Variants in IKZF3 observed in about 807,000 individuals in gnomAD.
IKZF3 encodes the protein IKAROS family zinc finger 3.
In IKZF3, 10 loss-of-function variants were observed where a neutral mutation model predicts 49.0. The observed-to-expected ratio is 0.20, with a 90% confidence interval of 0.13 to 0.35. The LOEUF is 0.35. Among genes scored for constraint, IKZF3 ranks in the 10% least tolerant of loss-of-function variants. IKZF3 has a pLI of 1.00. For missense variants in IKZF3, 498 were observed against 664.8 expected (o/e 0.75, Z 2.76); for synonymous variants, 209 against 228.2 (o/e 0.92, Z 0.76).
At chr17:39,841,863 A>G (rs1425927835) in intron 1 of IKZF3, among the ~76,000 whole-genome samples, 1 of 151,926 alleles carries the variant, frequency 6.6e-6, no homozygotes, top group Non-Finnish European at 1.5e-5. Flanking sequence ...TGGGCAACAT[A>G]GTGAGACCCT....
At chr17:39,786,112 A>G (rs2060868664) in intron 6 of IKZF3, among the ~76,000 whole-genome samples, 1 of 152,200 alleles carries the variant, frequency 6.6e-6, no homozygotes, top group African/African-American at 2.4e-5. Context: ...GATGGTGATA[A>G]TGTTCTGAAA....
intron 4 of IKZF3, 52 bp from the exon 5 acceptor site, chr17:39,791,635 A>G (rs936590150): frequency 7.7e-6 from 12 of 1,561,764 alleles, no homozygotes; most frequent in Non-Finnish European, 1.1e-5. Flanking sequence ...GTGGAGAAAC[A>G]TATGCACAGA....
intron 3 of IKZF3, among the ~76,000 whole-genome samples, chr17:39,825,028 C>T (rs934167466): frequency 1.3e-5 from 2 of 152,166 alleles, no homozygotes; most frequent in African/African-American, 4.8e-5. Flanking sequence ...TCTGGCATTT[C>T]CCTGCTGGCA....
rs1323229807 is a variant in IKZF3 at position 39,764,839 on chromosome 17, T to C, written c.*951A>G. On this transcript the variant is annotated 3_prime_UTR_variant, in exon 8 of 8. Coordinates refer to ENST00000346872, the MANE Select transcript of IKZF3 (RefSeq NM_012481.5). ...GGAGGGGGAGGCTGAGCCATACTTT[T>C]TGGACTTTTTTTGTGGAAAATATCA... is the stretch of plus-strand genomic sequence containing the variant. 3 of 152,316 alleles carry C rather than the reference T, an allele frequency of 2.0e-5. No individual in the cohort carries two copies. The highest frequency in any genetic ancestry group is 7.2e-5 in the African/African-American group (3 of 41,440). 9.4% of individuals were successfully genotyped at this position (152,316 alleles called of 1,614,324 possible).
intron 6 of IKZF3, among the ~76,000 whole-genome samples, chr17:39,786,775 G>A (rs2060885596): frequency 6.6e-6 from 1 of 151,984 alleles, no homozygotes. Context: ...TTTTTTATAA[G>A]GGGGTAAACA....
chr17:39,803,536 A>G (rs7211998), intron 3 of IKZF3, among the ~76,000 whole-genome samples: 13,622 of 148,490 alleles, frequency 0.092, 1,267 homozygotes, highest in African/African-American at 0.24. Flanking sequence ...TTTTTGAGAC[A>G]GAGTTTCGCT....
chr17:39,793,713 T>C (rs1467969187), intron 3 of IKZF3, among the ~76,000 whole-genome samples: 1 of 152,196 alleles, frequency 6.6e-6, no homozygotes, highest in Non-Finnish European at 1.5e-5. Context: ...GATTGTGTAA[T>C]AGGACTGGAT....
intron 3 of IKZF3, among the ~76,000 whole-genome samples, chr17:39,828,715 T>C (rs2062023333): frequency 6.6e-6 from 1 of 152,014 alleles, no homozygotes; most frequent in Admixed American, 6.6e-5. Context: ...TGAATTGAAG[T>C]GGGCTGGGTA....
chr17:39,835,265 G>A, intron 1 of IKZF3: 1 of 551,738 alleles, frequency 1.8e-6, no homozygotes. Flanking sequence ...CAATGTCCAG[G>A]GCCAGCTTGA....
intron 1 of IKZF3, among the ~76,000 whole-genome samples, chr17:39,860,962 T>C (rs944361328): frequency 1.3e-5 from 2 of 152,250 alleles, no homozygotes; most frequent in African/African-American, 2.4e-5. Flanking sequence ...TTATACAGTT[T>C]AAGTGCTTAA....
intron 3 of IKZF3, among the ~76,000 whole-genome samples, chr17:39,798,994 TGC>T (rs2061247062): frequency 2.0e-5 from 1 of 48,924 alleles, no homozygotes; most frequent in Non-Finnish European, 3.9e-5. Context: ...TGTGTGTGTG[TGC>T]GTGTGTGTGT....
At chr17:39,793,768 A>G (rs1349308061) in intron 3 of IKZF3, among the ~76,000 whole-genome samples, 1 of 152,236 alleles carries the variant, frequency 6.6e-6, no homozygotes, top group East Asian at 1.9e-4. Context: ...ACCAAGTACT[A>G]TCTTAAGAAC....
intron 1 of IKZF3, among the ~76,000 whole-genome samples, chr17:39,863,605 A>T (rs1342796909): frequency 6.6e-6 from 1 of 152,284 alleles, no homozygotes; most frequent in East Asian, 1.9e-4. Flanking sequence ...CCTAATGTGA[A>T]CCTGATTTTT....
rs751497743 is a variant in IKZF3, at chr17:39,763,023, A to G, written c.*2767T>C. On this transcript the variant is annotated 3_prime_UTR_variant, in exon 8 of 8. Coordinates refer to ENST00000346872, the MANE Select transcript of IKZF3 (RefSeq NM_012481.5). ...TTCTCTTTCTCTTGTCCCTTGAAGAACCAACAGGATGTGCGATATTTCAAG... is the reference window on the plus strand; with the variant it reads ...TTCTCTTTCTCTTGTCCCTTGAAGAGCCAACAGGATGTGCGATATTTCAAG... 4 of 152,236 alleles carry G rather than the reference A, an allele frequency of 2.6e-5. No homozygotes were observed. Among genetic ancestry groups the G allele is most frequent in the Non-Finnish European group, 5.9e-5 (4 of 68,050 alleles). The allele number at this position is 152,236 out of a possible 1,614,324, so 9.4% of individuals were successfully genotyped here. A position where few individuals can be genotyped will look rare whatever the true frequency, so the allele number is the denominator to read the frequency against.
chr17:39,845,318 G>A (rs67135703), intron 1 of IKZF3, among the ~76,000 whole-genome samples: 4,037 of 151,866 alleles, frequency 0.027, 188 homozygotes, highest in African/African-American at 0.093. Flanking sequence ...TCAGGAGGTC[G>A]AGACCAGCCT....
At chr17:39,819,275 A>C (rs988159377) in intron 3 of IKZF3, among the ~76,000 whole-genome samples, 1 of 152,220 alleles carries the variant, frequency 6.6e-6, no homozygotes, top group African/African-American at 2.4e-5. Flanking sequence ...ATAAATTATA[A>C]ATTCCCAAAC....
intron 7 of IKZF3, among the ~76,000 whole-genome samples, chr17:39,775,924 CAAA>C (rs369139259): frequency 9.5e-5 from 8 of 84,118 alleles, no homozygotes; most frequent in Admixed American, 1.3e-4. Flanking sequence ...AACTCTGTCT[CAAA>C]AAAAAAAAAA....
chr17:39,787,673 C>T (rs1377739406), intron 6 of IKZF3, among the ~76,000 whole-genome samples: 1 of 152,230 alleles, frequency 6.6e-6, no homozygotes, highest in Non-Finnish European at 1.5e-5. Flanking sequence ...ATTGCAATGG[C>T]CTCCTAACTG....
chr17:39,821,327 T>A (rs1490017935), intron 3 of IKZF3, among the ~76,000 whole-genome samples: 1 of 152,054 alleles, frequency 6.6e-6, no homozygotes, highest in Non-Finnish European at 1.5e-5. Flanking sequence ...CACCCCAGAA[T>A]TGGAGTGGGA....
Sources: gnomAD v4.1 joint callset for allele counts (sites outside exome capture counted in the v4.1 genomes callset) on GRCh38, gnomAD v4.1.1 for gene constraint, MANE v1.5 for transcripts, NCBI Gene and HGNC (gene_info 2026-07-23, HGNC 2026-07-21) for gene names.